Variants in RAD18 observed in about 807,000 individuals in gnomAD.
RAD18 encodes RAD18 E3 ubiquitin protein ligase.
In RAD18, 47 loss-of-function variants were observed where a neutral mutation model predicts 60.4. The ratio of observed to expected loss-of-function variants is 0.78; its 90% CI spans 0.62 to 0.99. The LOEUF is 0.99. Among genes scored for constraint, RAD18 ranks in the 50% least tolerant of loss-of-function variants. RAD18 has a pLI of 0.00. For synonymous variants in RAD18, 225 were observed against 195.5 expected (o/e 1.15, Z -1.26); for missense variants, 640 against 593.3 (o/e 1.08, Z -0.82).
intron 12 of RAD18, among the ~76,000 whole-genome samples, chr3:8,884,791 A>G (rs1262379544): frequency 1.3e-5 from 2 of 152,176 alleles, no homozygotes; most frequent in East Asian, 1.9e-4. Context: ...TCTCTAAAAC[A>G]CCTCATCCCC....
intron 9 of RAD18, 147 bp downstream of exon 9, chr3:8,912,160 TAAGTA>T (rs1227313743): frequency 1.6e-6 from 1 of 606,434 alleles, no homozygotes; most frequent in African/African-American, 2.0e-5. Flanking sequence ...AAAAAGTCAC[TAAGTA>T]AACACCCAAT....
chr3:8,886,144 C>CT (rs769234074), intron 12 of RAD18, among the ~76,000 whole-genome samples: 1 of 152,198 alleles, frequency 6.6e-6, no homozygotes, highest in Non-Finnish European at 1.5e-5. Flanking sequence ...CATAATTACT[C>CT]TTTAAGTGTG....
chr3:8,904,782 G>C (rs1256813830), intron 9 of RAD18, among the ~76,000 whole-genome samples: 2 of 152,150 alleles, frequency 1.3e-5, no homozygotes, highest in Non-Finnish European at 2.9e-5. Context: ...AGTTAGACCA[G>C]GTCTAAGCTA....
rs562117339 is a variant in RAD18, at chr3:8,923,472, C to T, written c.890-9752G>A. Among the ~76,000 whole-genome samples, 12 of 152,172 alleles carry T rather than the reference C, an allele frequency of 7.9e-5. No homozygotes were observed. The South Asian group carries it at 1.0e-3, about 13-fold the overall frequency. On this transcript the variant is annotated intron_variant, in intron 7 of 12. Transcript: ENST00000264926. ...CTGAAAGTGACGGGGAGAATGGAAC[C>T]AAGTTGGAAAACACTCTGCAGGATA...
At chr3:8,955,472 T>C (rs995580524) in intron 2 of RAD18, among the ~76,000 whole-genome samples, 10 of 152,208 alleles carry the variant, frequency 6.6e-5, no homozygotes, top group Admixed American at 2.0e-4. Flanking sequence ...GAGGCTGATA[T>C]AGCTCTGCGG....
intron 12 of RAD18, among the ~76,000 whole-genome samples, chr3:8,889,120 CACCATACTT>C (rs2125046436): frequency 6.6e-6 from 1 of 152,296 alleles, no homozygotes; most frequent in East Asian, 1.9e-4. Context: ...GCCCTGGATA[CACCATACTT>C]TTCCACTCTC....
intron 4 of RAD18, among the ~76,000 whole-genome samples, chr3:8,944,293 A>G (rs1179655124): frequency 6.6e-6 from 1 of 152,186 alleles, no homozygotes; most frequent in African/African-American, 2.4e-5. Context: ...AACAGAAGCT[A>G]TAATTTAAAA....
At chr3:8,916,010 C>G (rs1940194037) in intron 7 of RAD18, among the ~76,000 whole-genome samples, 1 of 152,276 alleles carries the variant, frequency 6.6e-6, no homozygotes, top group South Asian at 2.1e-4. Flanking sequence ...AAAAGAGAAC[C>G]ACCCCCACTG....
intron 11 of RAD18, among the ~76,000 whole-genome samples, chr3:8,896,026 C>T (rs1476055020): frequency 6.6e-6 from 1 of 152,148 alleles, no homozygotes; most frequent in East Asian, 1.9e-4. Flanking sequence ...TTCTGACCAC[C>T]CCAACCCACA....
At chr3:8,928,987 T>G (rs1185207683) in intron 7 of RAD18, among the ~76,000 whole-genome samples, 4 of 152,170 alleles carry the variant, frequency 2.6e-5, no homozygotes, top group Non-Finnish European at 4.4e-5. Context: ...TAAACAATAC[T>G]TCTATTTAAC....
intron 7 of RAD18, among the ~76,000 whole-genome samples, chr3:8,916,904 A>C (rs540936051): frequency 1.3e-5 from 2 of 152,262 alleles, no homozygotes; most frequent in South Asian, 4.1e-4. Flanking sequence ...AAGAAGAAAA[A>C]AGGGAGGAGA....
intron 12 of RAD18, among the ~76,000 whole-genome samples, chr3:8,884,412 C>T (rs1311049708): frequency 6.6e-6 from 1 of 151,908 alleles, no homozygotes; most frequent in African/African-American, 2.4e-5. Flanking sequence ...ATCATTTTTA[C>T]TTTTTTTTCA....
intron 1 of RAD18, 138 bp from the exon 2 acceptor site, chr3:8,959,139 A>G (rs1306550011): frequency 1.4e-6 from 1 of 695,400 alleles, no homozygotes; most frequent in African/African-American, 1.8e-5. Flanking sequence ...AACTCCAGAT[A>G]AACTGCAAGG....
intron 7 of RAD18, among the ~76,000 whole-genome samples, chr3:8,915,585 CTTTTT>C (rs749576578): frequency 7.1e-6 from 1 of 139,908 alleles, no homozygotes. Context: ...GGCTATTTTC[CTTTTT>C]TTTTTTTTTT....
chr3:8,886,769 G>A (rs1402648780), intron 12 of RAD18, among the ~76,000 whole-genome samples: 4 of 152,208 alleles, frequency 2.6e-5, no homozygotes, highest in Non-Finnish European at 2.9e-5. Flanking sequence ...CAGAAGCAGC[G>A]GCGTGTGCAA....
At chr3:8,952,939 A>G (rs1412003005) in intron 2 of RAD18, among the ~76,000 whole-genome samples, 3 of 152,170 alleles carry the variant, frequency 2.0e-5, no homozygotes, top group Non-Finnish European at 4.4e-5. Context: ...TAAATTGAAA[A>G]TATCATAAGC....
intron 2 of RAD18, among the ~76,000 whole-genome samples, chr3:8,948,789 CCACAACTA>C (rs568890280): frequency 1.5e-4 from 23 of 152,256 alleles, no homozygotes; most frequent in African/African-American, 4.6e-4. Flanking sequence ...CTTTAGGATA[CCACAACTA>C]CACAAGCAAC....
chr3:8,963,408 G>A lies in RAD18; in HGVS notation c.-23C>T, dbSNP rs759624591. Reference sequence around the variant, plus strand: ...CATGGTCGCTCCCGAGGATGCTGGGGGTCAGCCACCCACTAGCCTCCGGCG... The same window carrying A: ...CATGGTCGCTCCCGAGGATGCTGGGAGTCAGCCACCCACTAGCCTCCGGCG... On this transcript the variant is annotated 5_prime_UTR_variant, in exon 1 of 13. Coordinates refer to ENST00000264926, the MANE Select transcript of RAD18 (RefSeq NM_020165.4). 1.9e-6 allele frequency: 3 copies of A among 1,573,840 alleles called. No homozygotes were observed. The highest frequency in any genetic ancestry group is 8.6e-7 in the Non-Finnish European group (1 of 1,157,826).
chr3:8,943,360 AG>A (rs1351516291), intron 4 of RAD18, among the ~76,000 whole-genome samples: 1 of 152,140 alleles, frequency 6.6e-6, no homozygotes, highest in African/African-American at 2.4e-5. Context: ...AGGGATAAAA[AG>A]ATAGTGTATT....
Sources: allele counts gnomAD v4.1 joint callset (sites outside exome capture counted in the v4.1 genomes callset), GRCh38; gene constraint gnomAD v4.1.1; transcripts MANE v1.5; gene names NCBI Gene and HGNC (gene_info 2026-07-23, HGNC 2026-07-21).